The following LAMA2 variants were observed in gnomAD, a reference collection of about 807,000 sequenced individuals.
LAMA2 encodes the protein laminin subunit alpha-2.
Under a neutral mutation model 364.8 loss-of-function variants are expected in LAMA2, and 269 were observed. That is an observed-to-expected ratio of 0.74 (90% CI 0.67 to 0.82). LAMA2 has a LOEUF of 0.82. LAMA2 is among the 40% of genes least tolerant of loss of function. LAMA2 has a pLI of 0.00. For missense variants in LAMA2, 3,807 were observed against 3,873.2 expected (o/e 0.98, Z 0.45); for synonymous variants, 1,379 against 1,370.6 (o/e 1.01, Z -0.14).
At chr6:129,412,457 C>G (rs907216891) in intron 40 of LAMA2, among the ~76,000 whole-genome samples, 1 of 151,366 alleles carries the variant, frequency 6.6e-6, no homozygotes, top group East Asian at 1.9e-4. Flanking sequence ...TATAAATTAA[C>G]GATCACAAAC....
intron 40 of LAMA2, among the ~76,000 whole-genome samples, chr6:129,406,136 CA>C (rs1318354603): frequency 6.6e-6 from 1 of 152,032 alleles, no homozygotes; most frequent in Non-Finnish European, 1.5e-5. Context: ...AAATAACCTC[CA>C]AGCATAATTA....
intron 8 of LAMA2, chr6:129,157,745 G>C: frequency 1.1e-5 from 18 of 1,612,158 alleles, no homozygotes; most frequent in Non-Finnish European, 1.5e-5. Flanking sequence ...TCGGTACCAT[G>C]TTATAATATG....
At chr6:128,930,105 C>T (rs1268929653) in intron 1 of LAMA2, 1 of 292,772 alleles carries the variant, frequency 3.4e-6, no homozygotes, top group Admixed American at 5.1e-5. Context: ...ACAGCCCGCA[C>T]AGGGCGGCGC....
intron 1 of LAMA2, among the ~76,000 whole-genome samples, chr6:128,984,546 A>G (rs1359334762): frequency 6.6e-6 from 1 of 152,214 alleles, no homozygotes; most frequent in Non-Finnish European, 1.5e-5. Context: ...CTGGAAAAAA[A>G]GAAAGTCGTG....
intron 61 of LAMA2, 80 bp from the exon 62 acceptor site, chr6:129,507,409 C>A (rs1292649440): frequency 3.5e-6 from 5 of 1,426,878 alleles, no homozygotes; most frequent in Admixed American, 1.7e-5. Context: ...ACATAGAGCA[C>A]CCTGCAAATG....
chr6:129,107,772 C>T (rs1175044151), intron 4 of LAMA2, among the ~76,000 whole-genome samples: 2 of 152,066 alleles, frequency 1.3e-5, no homozygotes, highest in Non-Finnish European at 2.9e-5. Flanking sequence ...ATAACTTTCC[C>T]AGGGTTCCAC....
chr6:129,312,765 ATG>A, intron 22 of LAMA2, 94 bp from the exon 23 acceptor site: 1 of 831,980 alleles, frequency 1.2e-6, no homozygotes, highest in East Asian at 2.6e-5. Flanking sequence ...CATGATTAAT[ATG>A]TGTTTAATGG....
At chr6:129,053,068 T>A (rs1159830154) in intron 2 of LAMA2, among the ~76,000 whole-genome samples, 1 of 152,076 alleles carries the variant, frequency 6.6e-6, no homozygotes, top group African/African-American at 2.4e-5. Flanking sequence ...TTCTTTCTTT[T>A]TTGTTTTGTT....
intron 1 of LAMA2, among the ~76,000 whole-genome samples, chr6:129,010,252 A>G (rs1206795781): frequency 6.6e-6 from 1 of 152,234 alleles, no homozygotes; most frequent in Non-Finnish European, 1.5e-5. Context: ...ATGATCATAC[A>G]TGCACTGAAA....
intron 29 of LAMA2, among the ~76,000 whole-genome samples, chr6:129,338,843 C>G (rs1467908776): frequency 1.3e-5 from 2 of 152,014 alleles, no homozygotes; most frequent in Non-Finnish European, 2.9e-5. Flanking sequence ...TGAAAAGTCC[C>G]AGCAGTGATA....
chr6:129,253,706 T>C (rs1264345365), intron 14 of LAMA2, among the ~76,000 whole-genome samples: 2 of 152,246 alleles, frequency 1.3e-5, no homozygotes, highest in African/African-American at 2.4e-5. Flanking sequence ...GGGGCTTATA[T>C]ATTTTTGTCA....
intron 44 of LAMA2, among the ~76,000 whole-genome samples, chr6:129,445,397 G>C (rs761574172): frequency 6.6e-6 from 1 of 152,152 alleles, no homozygotes; most frequent in Non-Finnish European, 1.5e-5. Flanking sequence ...ATTGAATTAA[G>C]TTCTTCATAT....
At chr6:128,936,803 T>A (rs2114530695) in intron 1 of LAMA2, among the ~76,000 whole-genome samples, 1 of 152,282 alleles carries the variant, frequency 6.6e-6, no homozygotes, top group South Asian at 2.1e-4. Context: ...CATTGTAACA[T>A]AAAGTTAGGT....
At chr6:129,055,447 G>A (rs1407454856) in intron 2 of LAMA2, among the ~76,000 whole-genome samples, 2 of 151,960 alleles carry the variant, frequency 1.3e-5, no homozygotes, top group African/African-American at 4.8e-5. Context: ...ACCTGCCTTG[G>A]CCTCCCAAAG....
intron 1 of LAMA2, among the ~76,000 whole-genome samples, chr6:128,937,909 C>T (rs1372760938): frequency 1.3e-5 from 2 of 151,358 alleles, no homozygotes; most frequent in Non-Finnish European, 2.9e-5. Flanking sequence ...TTAATATAGG[C>T]ATTTATCAAT....
intron 19 of LAMA2, among the ~76,000 whole-genome samples, chr6:129,291,019 C>T (rs1201083739): frequency 6.6e-6 from 1 of 152,046 alleles, no homozygotes; most frequent in Admixed American, 6.5e-5. Flanking sequence ...TAACACAAAA[C>T]CGGCACACAG....
chr6:129,277,893 A>G (rs1445238399), intron 17 of LAMA2, among the ~76,000 whole-genome samples: 1 of 152,180 alleles, frequency 6.6e-6, no homozygotes, highest in Non-Finnish European at 1.5e-5. Flanking sequence ...TCTGAAATCT[A>G]TTTTATGAAT....
In LAMA2 at chr6:129,005,736, G is replaced by A. The variant is rs1026349140; in HGVS notation, c.113-44182G>A. ...TGTGTGTGTGTGTGTGTATGTGTGT[G>A]TATAATTTTTTGGATCTATCTATCT... On this transcript the variant is annotated intron_variant, in intron 1 of 64. Coordinates refer to ENST00000421865, the MANE Select transcript of LAMA2 (RefSeq NM_000426.4). Among the ~76,000 whole-genome samples the A allele has an allele frequency of 2.7e-5, 4 of 150,708 alleles. 1 individual carries two copies. The highest frequency in any genetic ancestry group is 7.3e-5 in the African/African-American group (3 of 40,990).
At chr6:129,286,707 ATATATAATATAT>A (rs1455219079) in intron 18 of LAMA2, among the ~76,000 whole-genome samples, 478 of 13,530 alleles carry the variant, frequency 0.035, 174 homozygotes, top group African/African-American at 0.18. Flanking sequence ...ATATATAATA[ATATATAATATAT>A]TATATAATAT....
Sources: allele counts gnomAD v4.1 joint callset (sites outside exome capture counted in the v4.1 genomes callset), GRCh38; gene constraint gnomAD v4.1.1; transcripts MANE v1.5; gene names NCBI Gene and HGNC (gene_info 2026-07-23, HGNC 2026-07-21).